ELFN2: variants seen among roughly 807,000 people sequenced by gnomAD.
ELFN2 encodes the protein protein phosphatase 1 regulatory subunit 29.
A neutral mutation model predicts 45.5 loss-of-function variants in ELFN2; 17 were observed. The ratio of observed to expected loss-of-function variants is 0.37; its 90% CI spans 0.26 to 0.56. ELFN2 has a LOEUF of 0.56. Among genes scored for constraint, ELFN2 ranks in the 20% least tolerant of loss-of-function variants. The pLI, the probability that ELFN2 is intolerant of heterozygous loss-of-function variation, is 0.77. For missense variants in ELFN2, 922 were observed against 1,183.2 expected (o/e 0.78, Z 3.24); for synonymous variants, 550 against 551.5 (o/e 1.00, Z 0.04).
chr22:37,352,109 C>A lies in ELFN2; in HGVS notation n.149-9406G>T, dbSNP rs1930835628. Reference sequence around the variant, plus strand: ...GGAAGTGAAAGGTACACGCTCCTCACTCCCAGACCCCATGCCCTACCCTAT... The same window carrying A: ...GGAAGTGAAAGGTACACGCTCCTCAATCCCAGACCCCATGCCCTACCCTAT... On this transcript the variant is annotated intron_variant and non_coding_transcript_variant, in intron 1 of 2. Coordinates refer to ENST00000452946, the Ensembl canonical transcript of ELFN2. 4 of 151,176 alleles carry A rather than the reference C, an allele frequency of 2.6e-5. No individual in the cohort carries two copies. The South Asian group carries it at 8.3e-4, about 31-fold the overall frequency. The allele number at this position is 151,176 out of a possible 1,614,324, so 9.4% of individuals were successfully genotyped here.
chr22:37,415,169 T>C (rs966817111), intron 2 of ELFN2, among the ~76,000 whole-genome samples: 2 of 145,834 alleles, frequency 1.4e-5, no homozygotes, highest in Admixed American at 6.6e-5. Context: ...ATGGCCCTCT[T>C]TGGCCATCAC....
chr22:37,360,033 G>T (rs1931045696), intron 1 of ELFN2, among the ~76,000 whole-genome samples: 1 of 152,214 alleles, frequency 6.6e-6, no homozygotes, highest in Non-Finnish European at 1.5e-5. Context: ...TAACTTCCGG[G>T]TATTGCTATA....
rs781442509 is a variant in ELFN2, at chr22:37,373,057, G to A, written c.*15C>T. ...AGCCCTCTGGCTCCGACCTCACCAG[G>A]GAGGAAGGGGGGGGTCACAGCTTCT... On this transcript the variant is annotated 3_prime_UTR_variant, in exon 3 of 3. Coordinates refer to ENST00000402918, the MANE Select transcript of ELFN2 (RefSeq NM_052906.5). 26 of 1,576,600 alleles carry A rather than the reference G, an allele frequency of 1.6e-5. No homozygotes were observed. Among genetic ancestry groups the A allele is most frequent in the Non-Finnish European group, 2.2e-5 (26 of 1,157,246 alleles).
intron 2 of ELFN2, among the ~76,000 whole-genome samples, chr22:37,397,920 G>A (rs1249581518): frequency 6.6e-6 from 1 of 152,140 alleles, no homozygotes; most frequent in African/African-American, 2.4e-5. Flanking sequence ...CAGCTGTGTG[G>A]CCTCGGCAGC....
At chr22:37,401,865 C>T (rs192336132) in intron 2 of ELFN2, among the ~76,000 whole-genome samples, 105 of 152,366 alleles carry the variant, frequency 6.9e-4, no homozygotes, top group Middle Eastern at 3.4e-3. Flanking sequence ...CTCCTCTCCC[C>T]GCCCCCAGCC....
chr22:37,376,096 G>A (rs550491902), intron 2 of ELFN2, 100 bp from the exon 3 acceptor site: 145 of 149,152 alleles, frequency 9.7e-4, no homozygotes, highest in Non-Finnish European at 1.6e-3. Context: ...TCCACACCCC[G>A]TCCCAGGGCC....
At chr22:37,413,599 T>C (rs1333827013) in intron 2 of ELFN2, among the ~76,000 whole-genome samples, 2 of 150,584 alleles carry the variant, frequency 1.3e-5, no homozygotes, top group Non-Finnish European at 2.9e-5. Flanking sequence ...CCACAGCCCA[T>C]TAATGGCAAC....
Position 37,369,941 on chromosome 22 carries a change from A to G in ELFN2, c.*3131T>C, listed in dbSNP as rs1255036356. 1 of 152,252 alleles carries G rather than the reference A, an allele frequency of 6.6e-6. No individual in the cohort carries two copies. Among genetic ancestry groups the G allele is most frequent in the Non-Finnish European group, 1.5e-5 (1 of 68,116 alleles). 9.4% of individuals were successfully genotyped at this position (152,252 alleles called of 1,614,324 possible). A position where few individuals can be genotyped will look rare whatever the true frequency, so the allele number is the denominator to read the frequency against. Reference sequence around the variant, plus strand: ...TCATCATCACAAACCCAGACCTTGGATGGCAACATTTTGTGAATACTTCCC... The same window carrying G: ...TCATCATCACAAACCCAGACCTTGGGTGGCAACATTTTGTGAATACTTCCC... On this transcript the variant is annotated 3_prime_UTR_variant, in exon 3 of 3. Transcript: ENST00000402918.
At chr22:37,356,802 G>A (rs1457411094) in intron 1 of ELFN2, among the ~76,000 whole-genome samples, 1 of 152,208 alleles carries the variant, frequency 6.6e-6, no homozygotes, top group Non-Finnish European at 1.5e-5. Context: ...GTCCAGAGCA[G>A]GAGGGATGTG....
intron 1 of ELFN2, among the ~76,000 whole-genome samples, chr22:37,424,819 GA>G (rs1220091827): frequency 6.6e-6 from 1 of 152,146 alleles, no homozygotes; most frequent in Non-Finnish European, 1.5e-5. Context: ...GGAAAGAAAA[GA>G]AAGTCCTTTG....
At chr22:37,419,496 G>T (rs1216757947) in intron 1 of ELFN2, among the ~76,000 whole-genome samples, 1 of 151,666 alleles carries the variant, frequency 6.6e-6, no homozygotes, top group Non-Finnish European at 1.5e-5. Flanking sequence ...GAACACAGGG[G>T]CGCCCCACAC....
At chr22:37,390,180 G>C (rs1418164150) in intron 2 of ELFN2, among the ~76,000 whole-genome samples, 1 of 152,228 alleles carries the variant, frequency 6.6e-6, no homozygotes, top group East Asian at 1.9e-4. Context: ...CTTGTGATGA[G>C]GACCAGAGAG....
intron 2 of ELFN2, among the ~76,000 whole-genome samples, chr22:37,342,405 A>C (rs1930579848): frequency 6.6e-6 from 1 of 152,000 alleles, no homozygotes; most frequent in Non-Finnish European, 1.5e-5. Flanking sequence ...GTCCTCTTGC[A>C]GAGGAGGGGG....
intron 1 of ELFN2, among the ~76,000 whole-genome samples, chr22:37,426,518 G>T (rs1932851424): frequency 6.6e-6 from 1 of 150,908 alleles, no homozygotes; most frequent in South Asian, 2.1e-4. Context: ...CACACAGCAC[G>T]CACAATCCTC....
At chr22:37,414,199 C>T (rs1234031139) in intron 2 of ELFN2, among the ~76,000 whole-genome samples, 2 of 152,166 alleles carry the variant, frequency 1.3e-5, no homozygotes, top group African/African-American at 4.8e-5. Flanking sequence ...GGAGTTGATA[C>T]TCTACAGTGG....
chr22:37,405,808 G>T (rs1041889741), intron 2 of ELFN2, among the ~76,000 whole-genome samples: 1 of 149,478 alleles, frequency 6.7e-6, no homozygotes, highest in Non-Finnish European at 1.5e-5. Context: ...TGAGCCCCAG[G>T]TTCCTCCCTT....
At chr22:37,383,666 C>T (rs1383716221) in intron 2 of ELFN2, among the ~76,000 whole-genome samples, 2 of 152,252 alleles carry the variant, frequency 1.3e-5, no homozygotes, top group Non-Finnish European at 2.9e-5. Flanking sequence ...GCACACCCAC[C>T]CACGTTGCTT....
intron 2 of ELFN2, among the ~76,000 whole-genome samples, chr22:37,379,544 G>C (rs955283474): frequency 1.3e-5 from 2 of 152,224 alleles, no homozygotes; most frequent in African/African-American, 4.8e-5. Flanking sequence ...CTCTCTTTAA[G>C]GGGCACTCTC....
rs541829311 is a variant in ELFN2 at position 37,408,034 on chromosome 22, T to C, written c.-463+9735A>G. On this transcript the variant is annotated intron_variant, in intron 2 of 2. Transcript: ENST00000402918. ...CACACAGCGCGGGAGCTGGATGAGATGCTGTCCAAGGCTGATTCAGTCCCA... is the reference window on the plus strand; with the variant it reads ...CACACAGCGCGGGAGCTGGATGAGACGCTGTCCAAGGCTGATTCAGTCCCA... Among the ~76,000 whole-genome samples the C allele has an allele frequency of 3.2e-4, 48 of 152,340 alleles. No homozygotes were observed. In the South Asian group the frequency reaches 8.5e-3, roughly 27 times the overall value.
Sources: gnomAD v4.1 joint callset for allele counts (sites outside exome capture counted in the v4.1 genomes callset) on GRCh38, gnomAD v4.1.1 for gene constraint, MANE v1.5 for transcripts, NCBI Gene and HGNC (gene_info 2026-07-23, HGNC 2026-07-21) for gene names.